Variants in TUNAR observed in about 807,000 individuals in gnomAD.
TUNAR encodes the protein transmembrane neural differentiation associated intracellular calcium regulator.
At chr14:95,914,473 A>G (rs1466819965) in intron 2 of TUNAR, among the ~76,000 whole-genome samples, 3 of 152,166 alleles carry the variant, frequency 2.0e-5, no homozygotes, top group Non-Finnish European at 4.4e-5. Flanking sequence ...CAGGAGGGAG[A>G]GGACAAACCT....
chr14:95,908,698 C>T (rs1165782014), intron 2 of TUNAR, among the ~76,000 whole-genome samples: 1 of 152,198 alleles, frequency 6.6e-6, no homozygotes, highest in Admixed American at 6.5e-5. Context: ...TGGCCTTCTT[C>T]CCCTCTCCAT....
intron 2 of TUNAR, among the ~76,000 whole-genome samples, chr14:95,881,326 A>C (rs1888974396): frequency 6.6e-6 from 1 of 152,220 alleles, no homozygotes; most frequent in African/African-American, 2.4e-5. Context: ...ATTCTTTGGG[A>C]AAAGCTAAAA....
chr14:95,916,069 C>T (rs1889600566), intron 2 of TUNAR, among the ~76,000 whole-genome samples: 1 of 152,144 alleles, frequency 6.6e-6, no homozygotes, highest in Non-Finnish European at 1.5e-5. Context: ...GTTAATTATG[C>T]AGTTAACTAG....
chr14:95,879,685 GT>G (rs970768380), intron 2 of TUNAR, among the ~76,000 whole-genome samples: 1 of 146,230 alleles, frequency 6.8e-6, no homozygotes, highest in Non-Finnish European at 1.5e-5. Context: ...TTCCTTTTCA[GT>G]TTTTCTTTGT....
chr14:95,892,904 C>T (rs552069947), intron 2 of TUNAR, among the ~76,000 whole-genome samples: 15 of 152,222 alleles, frequency 9.9e-5, no homozygotes, highest in African/African-American at 3.6e-4. Context: ...GACAGCACCT[C>T]GATATGTCTG....
At chr14:95,881,480 C>A (rs1888976619) in intron 2 of TUNAR, among the ~76,000 whole-genome samples, 1 of 152,198 alleles carries the variant, frequency 6.6e-6, no homozygotes, top group African/African-American at 2.4e-5. Context: ...TAACAGCTTT[C>A]AAAAGAACTG....
rs1478298366 is a variant in TUNAR, at chr14:95,904,111, A to G, written c.13-18670A>G. Among the ~76,000 whole-genome samples, 3 of 152,334 alleles carry G rather than the reference A, an allele frequency of 2.0e-5. No individual in the cohort carries two copies. The East Asian group carries it at 5.8e-4, about 29-fold the overall frequency. On this transcript the variant is annotated intron_variant, in intron 2 of 2. Transcript: ENST00000678517. ...CATTGCTGGGCAAGGTGGATTTTGC[A>G]GATCCTGGAGGGCCAAGTATGTAAT...
intron 2 of TUNAR, among the ~76,000 whole-genome samples, chr14:95,891,652 G>T (rs1345151934): frequency 6.6e-6 from 1 of 152,244 alleles, no homozygotes; most frequent in Non-Finnish European, 1.5e-5. Context: ...CAGTTGGGAA[G>T]CTGTTCCTGA....
chr14:95,905,259 C>T (rs1044923524), intron 2 of TUNAR, among the ~76,000 whole-genome samples: 3 of 152,192 alleles, frequency 2.0e-5, no homozygotes, highest in Non-Finnish European at 1.5e-5. Flanking sequence ...CTCAATTGCA[C>T]ACCGATTCAG....
At chr14:95,910,820 C>T (rs1421816027) in intron 2 of TUNAR, among the ~76,000 whole-genome samples, 1 of 152,214 alleles carries the variant, frequency 6.6e-6, no homozygotes, top group East Asian at 1.9e-4. Context: ...TGCCTGGGTT[C>T]AGACTTTGTC....
chr14:95,886,207 G>T (rs764544009), intron 2 of TUNAR, among the ~76,000 whole-genome samples: 3 of 152,286 alleles, frequency 2.0e-5, no homozygotes, highest in South Asian at 2.1e-4. Flanking sequence ...ACATTTGCCC[G>T]CCAGCTTCCC....
chr14:95,903,689 G>A (rs1889388993), intron 2 of TUNAR, among the ~76,000 whole-genome samples: 1 of 152,232 alleles, frequency 6.6e-6, no homozygotes, highest in South Asian at 2.1e-4. Context: ...TGAAACAGAA[G>A]GTCGTTATTA....
At chr14:95,907,155 G>A (rs1287255233) in intron 2 of TUNAR, among the ~76,000 whole-genome samples, 1 of 152,062 alleles carries the variant, frequency 6.6e-6, no homozygotes, top group South Asian at 2.1e-4. Context: ...CCACCACATC[G>A]TACTCTGTGT....
chr14:95,887,268 T>C (rs866651817), intron 2 of TUNAR, among the ~76,000 whole-genome samples: 1 of 152,238 alleles, frequency 6.6e-6, no homozygotes, highest in Middle Eastern at 3.2e-3. Flanking sequence ...CCCTGGATCC[T>C]CAGTACCTGG....
intron 2 of TUNAR, among the ~76,000 whole-genome samples, chr14:95,880,744 C>T (rs1178348227): frequency 2.0e-5 from 3 of 152,118 alleles, no homozygotes; most frequent in African/African-American, 7.2e-5. Flanking sequence ...TATTTTTTGC[C>T]AGGTTTTGTG....
intron 2 of TUNAR, among the ~76,000 whole-genome samples, chr14:95,919,896 A>G (rs1889662700): frequency 6.6e-6 from 1 of 152,190 alleles, no homozygotes; most frequent in South Asian, 2.1e-4. Context: ...GCTGTATGTT[A>G]AAAAACTTAA....
intron 2 of TUNAR, among the ~76,000 whole-genome samples, chr14:95,879,167 C>G (rs370670971): frequency 6.6e-6 from 1 of 152,140 alleles, no homozygotes; most frequent in African/African-American, 2.4e-5. Flanking sequence ...ACCTATGGGT[C>G]GTTAATGGGG....
At chr14:95,897,402 T>TCTG (rs1314421762) in intron 2 of TUNAR, among the ~76,000 whole-genome samples, 1 of 152,242 alleles carries the variant, frequency 6.6e-6, no homozygotes, top group African/African-American at 2.4e-5. Context: ...GCACAGTGTG[T>TCTG]CTGTCTCCTT....
Position 95,895,712 on chromosome 14 carries a change from C to G in TUNAR, c.12+18535C>G, listed in dbSNP as rs1031900753. On this transcript the variant is annotated intron_variant, in intron 2 of 2. Transcript: ENST00000678517. The surrounding 1 kb of genome is among the most constrained non-coding windows in gnomAD (Gnocchi z 4.5). Reference sequence around the variant, plus strand: ...ACCCCCAGCACCCTATGCACCAGACCTTGGGAAGGTGTTTCCGGCCCATTT... The same window carrying G: ...ACCCCCAGCACCCTATGCACCAGACGTTGGGAAGGTGTTTCCGGCCCATTT... 2 of 152,400 alleles carry G rather than the reference C, an allele frequency of 1.3e-5. No homozygotes were observed. The highest frequency in any genetic ancestry group is 4.8e-5 in the African/African-American group (2 of 41,448). 9.4% of individuals were successfully genotyped at this position (152,400 alleles called of 1,614,324 possible). A position where few individuals can be genotyped will look rare whatever the true frequency, so the allele number is the denominator to read the frequency against.
Sources: allele counts gnomAD v4.1 joint callset (sites outside exome capture counted in the v4.1 genomes callset), GRCh38; gene constraint gnomAD v4.1.1; non-coding constraint Gnocchi (gnomAD v3.1); transcripts MANE v1.5; gene names NCBI Gene and HGNC (gene_info 2026-07-23, HGNC 2026-07-21).